The following SMARCA2 variants were observed in gnomAD, a reference collection of about 807,000 sequenced individuals.
The protein encoded by SMARCA2 is SWI/SNF-related matrix-associated actin-dependent regulator of chromatin subfamily A member 2.
A neutral mutation model predicts 199.8 loss-of-function variants in SMARCA2; 61 were observed. That is an observed-to-expected ratio of 0.31 (90% CI 0.25 to 0.38). SMARCA2 has a LOEUF of 0.38. SMARCA2 is among the 10% of genes least tolerant of loss of function. The probability of loss-of-function intolerance (pLI) is 1.00; values close to 1 mark genes in which losing one functional copy is unlikely to be tolerated. For missense variants in SMARCA2, 1,344 were observed against 2,012.2 expected (o/e 0.67, Z 6.35); for synonymous variants, 935 against 732.0 (o/e 1.28, Z -4.48).
intron 26 of SMARCA2, among the ~76,000 whole-genome samples, chr9:2,120,606 C>T (rs71504696): frequency 0.041 from 6,217 of 152,214 alleles, 146 homozygotes; most frequent in African/African-American, 0.069. Flanking sequence ...AATGGAACTC[C>T]ACCTGTTTGG....
chr9:2,038,834 C>G (rs1350064603), intron 3 of SMARCA2, among the ~76,000 whole-genome samples: 1 of 152,162 alleles, frequency 6.6e-6, no homozygotes, highest in African/African-American at 2.4e-5. Flanking sequence ...TGCATAGTAC[C>G]TACAACATGT....
At chr9:2,078,803 G>C (rs1341047518) in intron 14 of SMARCA2, among the ~76,000 whole-genome samples, 2 of 152,018 alleles carry the variant, frequency 1.3e-5, no homozygotes, top group Non-Finnish European at 2.9e-5. Flanking sequence ...AAATTAGCTG[G>C]GTGTGGTGGC....
At chr9:2,047,675 C>G (rs942589131) in intron 5 of SMARCA2, 191 bp downstream of exon 5, 1 of 493,706 alleles carries the variant, frequency 2.0e-6, no homozygotes, top group Non-Finnish European at 3.1e-6. Flanking sequence ...AGATCAAAAG[C>G]CGACGGGGAC....
At chr9:2,157,827 G>C (rs953481472) in intron 27 of SMARCA2, 5 of 398,288 alleles carry the variant, frequency 1.3e-5, no homozygotes, top group African/African-American at 1.0e-4. Flanking sequence ...ACACCACCGG[G>C]TTGAGAAGAA....
At chr9:2,030,112 A>G (rs1818998646) in intron 2 of SMARCA2, among the ~76,000 whole-genome samples, 1 of 152,220 alleles carries the variant, frequency 6.6e-6, no homozygotes, top group South Asian at 2.1e-4. Flanking sequence ...TCACAGGTGG[A>G]TAGGGTGGCA....
chr9:2,103,215 T>C (rs1385071632), intron 22 of SMARCA2, among the ~76,000 whole-genome samples: 1 of 152,210 alleles, frequency 6.6e-6, no homozygotes, highest in African/African-American at 2.4e-5. Flanking sequence ...TATTTTCAGC[T>C]TTGTGGGCCA....
intron 10 of SMARCA2, among the ~76,000 whole-genome samples, chr9:2,071,023 T>C (rs1036881360): frequency 6.6e-6 from 1 of 152,230 alleles, no homozygotes; most frequent in African/African-American, 2.4e-5. Flanking sequence ...AATTAATTTA[T>C]TGGATTTTTT....
chr9:2,128,665 G>A lies in SMARCA2; in HGVS notation c.3981+4728G>A, dbSNP rs114665053. 6.4e-3 allele frequency among the ~76,000 whole-genome samples: 970 copies of A among 152,350 alleles called. 12 individuals carry two copies. Among genetic ancestry groups the A allele is most frequent in the African/African-American group, 0.021 (860 of 41,580 alleles). On this transcript the variant is annotated intron_variant, in intron 27 of 33. Transcript: ENST00000349721. Reference sequence around the variant, plus strand: ...GCAAATTGTATAAAAGTATGTAACTGTATTTGGGATCACATAGTGAGGGAT... The same window carrying A: ...GCAAATTGTATAAAAGTATGTAACTATATTTGGGATCACATAGTGAGGGAT...
chr9:2,181,874 A>G (rs1827052239), intron 30 of SMARCA2, among the ~76,000 whole-genome samples, 198 bp downstream of exon 30: 1 of 152,148 alleles, frequency 6.6e-6, no homozygotes, highest in South Asian at 2.1e-4. Context: ...CATTTTATTG[A>G]AGAGCTTTCA....
At chr9:2,186,935 C>A (rs1563842652) in intron 32 of SMARCA2, among the ~76,000 whole-genome samples, 2 of 152,212 alleles carry the variant, frequency 1.3e-5, no homozygotes, top group African/African-American at 4.8e-5. Context: ...GGTTCTCAAA[C>A]CTGGAGGGCT....
chr9:2,093,159 A>T (rs1822132308), intron 19 of SMARCA2, among the ~76,000 whole-genome samples: 1 of 152,216 alleles, frequency 6.6e-6, no homozygotes, highest in African/African-American at 2.4e-5. Context: ...ACTGAATAAT[A>T]GTGTGGCAAT....
intron 21 of SMARCA2, among the ~76,000 whole-genome samples, chr9:2,097,826 T>A (rs1822336982): frequency 6.6e-6 from 1 of 152,244 alleles, no homozygotes; most frequent in Non-Finnish European, 1.5e-5. Context: ...TACATTCAGC[T>A]TCCTCAAAAG....
chr9:2,121,951 G>A (rs1051415091), intron 26 of SMARCA2, among the ~76,000 whole-genome samples: 5 of 152,176 alleles, frequency 3.3e-5, no homozygotes, highest in African/African-American at 9.7e-5. Context: ...TTTATAATCA[G>A]ATCTCAAGAC....
chr9:2,123,889 C>T lies in SMARCA2; in HGVS notation c.3933C>T (p.Arg1311=). 6.3e-7 allele frequency: 1 copy of T among 1,594,806 alleles called. No homozygotes were observed. The highest frequency in any genetic ancestry group is 8.5e-7 in the Non-Finnish European group (1 of 1,170,722). ...TATTTGGGAGGGGGTCCCGCCAGCGCCGTGACGTGGACTACAGTGACGCCC... is the reference window on the plus strand; with the variant it reads ...TATTTGGGAGGGGGTCCCGCCAGCGTCGTGACGTGGACTACAGTGACGCCC... ...EKIFGRGSRQ[R]RDVDYSDALT... is the part of the protein sequence containing the mutation. Residue 1311 remains arginine (R), a synonymous_variant, in exon 27 of 34, where the codon CGC becomes CGT. Transcript: ENST00000349721. This position sits in a 1 kb window ranked among gnomAD's most constrained non-coding sequence, Gnocchi z 4.1.
intron 19 of SMARCA2, among the ~76,000 whole-genome samples, chr9:2,095,512 C>T (rs528622274): frequency 6.6e-6 from 1 of 152,108 alleles, no homozygotes; most frequent in Non-Finnish European, 1.5e-5. Context: ...TTTTCTTTCA[C>T]CTGGCCAAGA....
At chr9:2,036,854 A>G (rs1043472006) in intron 3 of SMARCA2, among the ~76,000 whole-genome samples, 7 of 152,044 alleles carry the variant, frequency 4.6e-5, no homozygotes, top group African/African-American at 1.7e-4. Flanking sequence ...TGCCTTGTTC[A>G]TAGTTTAAAA....
intron 21 of SMARCA2, among the ~76,000 whole-genome samples, chr9:2,101,181 T>C (rs1822497732): frequency 6.6e-6 from 1 of 152,110 alleles, no homozygotes; most frequent in African/African-American, 2.4e-5. Context: ...TATATACATA[T>C]TAATTCTGAT....
intron 10 of SMARCA2, among the ~76,000 whole-genome samples, chr9:2,072,355 CTG>C (rs1821124866): frequency 6.6e-6 from 1 of 152,178 alleles, no homozygotes; most frequent in Admixed American, 6.5e-5. Context: ...TCATTCGTTA[CTG>C]ATTATATTCA....
At chr9:2,154,621 G>A (rs565317183) in intron 27 of SMARCA2, among the ~76,000 whole-genome samples, 2 of 152,228 alleles carry the variant, frequency 1.3e-5, no homozygotes, top group African/African-American at 2.4e-5. Context: ...CCTCATGGAC[G>A]GCCTATCCCA....
Sources: allele counts gnomAD v4.1 joint callset (sites outside exome capture counted in the v4.1 genomes callset), GRCh38; gene constraint gnomAD v4.1.1; non-coding constraint Gnocchi (gnomAD v3.1); transcripts MANE v1.5; gene names NCBI Gene and HGNC (gene_info 2026-07-23, HGNC 2026-07-21).